SLC25A48: variants seen among roughly 807,000 people sequenced by gnomAD.
SLC25A48 encodes CTC-321K16.1.
In SLC25A48, 29 loss-of-function variants were observed where a neutral mutation model predicts 32.2. The observed-to-expected ratio is 0.90, with a 90% confidence interval of 0.67 to 1.23. The LOEUF is 1.23. SLC25A48 is among the 50% of genes most tolerant of loss of function. The probability of loss-of-function intolerance (pLI) is 0.00; values close to 1 mark genes in which losing one functional copy is unlikely to be tolerated. For synonymous variants in SLC25A48, 164 were observed against 172.3 expected (o/e 0.95, Z 0.38); for missense variants, 399 against 422.7 (o/e 0.94, Z 0.49).
chr5:135,783,261 G>T (rs1756762209), intron 3 of SLC25A48, among the ~76,000 whole-genome samples: 1 of 118,328 alleles, frequency 8.5e-6, no homozygotes, highest in African/African-American at 2.6e-5. Context: ...TATCCACTGT[G>T]GTATCGTCCC....
intron 3 of SLC25A48, among the ~76,000 whole-genome samples, chr5:135,653,172 C>A (rs550069935): frequency 6.6e-6 from 1 of 152,156 alleles, no homozygotes; most frequent in Non-Finnish European, 1.5e-5. Flanking sequence ...AATTTCTGTT[C>A]TTTATAAATT....
In SLC25A48 at chr5:135,820,147, A is replaced by G. The variant is rs145729323; in HGVS notation, c.-117+7221A>G. Among the ~76,000 whole-genome samples, 1,199 of 152,344 alleles carry G rather than the reference A, an allele frequency of 7.9e-3. 6 individuals are homozygous for G. The highest frequency in any genetic ancestry group is 0.033 in the South Asian group (158 of 4,832). ...AACCATTTCTAGCAGCACTATTCAC[A>G]ATGGAAACAACTAGACTGTATACAC... On this transcript the variant is annotated intron_variant, in intron 4 of 10. Coordinates refer to the SLC25A48 transcript ENST00000646290.
intron 1 of SLC25A48, among the ~76,000 whole-genome samples, chr5:135,597,734 T>C (rs1751687799): frequency 6.6e-6 from 1 of 152,196 alleles, no homozygotes; most frequent in Non-Finnish European, 1.5e-5. Flanking sequence ...CTGGGTGCAG[T>C]GGCTCACGCC....
intron 1 of SLC25A48, among the ~76,000 whole-genome samples, chr5:135,587,694 G>C (rs143190283): frequency 0.016 from 2,412 of 152,268 alleles, 26 homozygotes; most frequent in Admixed American, 0.027. Flanking sequence ...GAGACATGTT[G>C]CAATTTTCTT....
chr5:135,778,982 C>G (rs1756648810), intron 3 of SLC25A48, among the ~76,000 whole-genome samples: 1 of 151,496 alleles, frequency 6.6e-6, no homozygotes, highest in Admixed American at 6.6e-5. Context: ...CCAAATATCA[C>G]ATAATATACA....
intron 7 of SLC25A48, among the ~76,000 whole-genome samples, chr5:135,886,081 T>G (rs1762701448): frequency 1.3e-5 from 2 of 152,222 alleles, no homozygotes; most frequent in South Asian, 4.1e-4. Context: ...GTGATTTCTT[T>G]GTACATCACT....
chr5:135,669,115 A>G (rs1021605614), intron 3 of SLC25A48, among the ~76,000 whole-genome samples: 4 of 152,206 alleles, frequency 2.6e-5, no homozygotes, highest in Non-Finnish European at 5.9e-5. Context: ...ATGTCAATGC[A>G]CTTGTCATGT....
At chr5:135,597,442 C>T (rs1488443268) in intron 1 of SLC25A48, among the ~76,000 whole-genome samples, 3 of 152,220 alleles carry the variant, frequency 2.0e-5, no homozygotes, top group African/African-American at 4.8e-5. Flanking sequence ...CTCATTCTTA[C>T]AGTTGGGATC....
intron 3 of SLC25A48, among the ~76,000 whole-genome samples, chr5:135,780,639 G>C (rs1298904205): frequency 8.6e-6 from 1 of 116,616 alleles, no homozygotes; most frequent in African/African-American, 2.6e-5. Context: ...ATTTTGGGGG[G>C]GGAGGAGATG....
Position 135,852,598 on chromosome 5 carries a change from C to T in SLC25A48, c.198C>T (p.Leu66=), listed in dbSNP as rs781729753. ...TCTTCAAGGGCATGTCCTTCCCCCT[C>T]GCCAGCATTGCCGTCTACAACTCCG... ...FGFFKGMSFP[L]ASIAVYNSVV... is the part of the protein sequence containing the mutation. Residue 66 remains leucine (L), a synonymous_variant, in exon 4 of 8, where the codon CTC becomes CTT. Coordinates refer to ENST00000681962, the MANE Select transcript of SLC25A48 (RefSeq NM_001349336.2). The T allele has an allele frequency of 6.2e-7, 1 of 1,603,516 alleles. No individual in the cohort carries two copies. Among genetic ancestry groups the T allele is most frequent in the Non-Finnish European group, 8.5e-7 (1 of 1,170,992 alleles).
intron 1 of SLC25A48, chr5:135,835,246 C>G (rs923129302): frequency 1.4e-5 from 7 of 512,666 alleles, no homozygotes; most frequent in Admixed American, 2.3e-5. Context: ...GAATTGCGGA[C>G]GTGGCTCGCG....
intron 3 of SLC25A48, among the ~76,000 whole-genome samples, chr5:135,688,759 G>T (rs536125700): frequency 6.6e-6 from 1 of 152,324 alleles, no homozygotes; most frequent in South Asian, 2.1e-4. Flanking sequence ...CACTGGTGCA[G>T]AGGAGAGTGG....
At chr5:135,696,349 G>A (rs1292372993) in intron 3 of SLC25A48, among the ~76,000 whole-genome samples, 1 of 152,206 alleles carries the variant, frequency 6.6e-6, no homozygotes, top group East Asian at 1.9e-4. Context: ...GTACTGTCAG[G>A]ATGTTAGGTG....
intron 3 of SLC25A48, among the ~76,000 whole-genome samples, chr5:135,688,129 T>A (rs1754060715): frequency 7.5e-6 from 1 of 133,730 alleles, no homozygotes; most frequent in South Asian, 2.5e-4. Context: ...TCATACCGTA[T>A]TTGTCTTTTT....
chr5:135,794,803 AC>A (rs1757126092), intron 3 of SLC25A48, among the ~76,000 whole-genome samples: 1 of 151,394 alleles, frequency 6.6e-6, no homozygotes, highest in Non-Finnish European at 1.5e-5. Flanking sequence ...GGGGGTAGAC[AC>A]TCCCCACATA....
chr5:135,883,262 C>G, intron 7 of SLC25A48: 1 of 985,484 alleles, frequency 1.0e-6, no homozygotes, highest in Non-Finnish European at 1.2e-6. Context: ...AGGGATTCAA[C>G]TGACCATTGG....
chr5:135,804,134 T>C (rs1418287895), intron 3 of SLC25A48, among the ~76,000 whole-genome samples: 1 of 151,552 alleles, frequency 6.6e-6, no homozygotes, highest in East Asian at 1.9e-4. Flanking sequence ...TATGATATTA[T>C]GAATGATGTC....
intron 6 of SLC25A48, among the ~76,000 whole-genome samples, chr5:135,877,525 A>G (rs1469831590): frequency 6.6e-6 from 1 of 152,164 alleles, no homozygotes; most frequent in Non-Finnish European, 1.5e-5. Flanking sequence ...TGTCACGTCC[A>G]AAATTCATTT....
intron 3 of SLC25A48, among the ~76,000 whole-genome samples, chr5:135,655,276 C>A (rs76198210): frequency 0.023 from 3,522 of 152,290 alleles, 141 homozygotes; most frequent in African/African-American, 0.08. Context: ...CAGGCGCTTT[C>A]TAAGTGCTTC....
Sources: allele counts gnomAD v4.1 joint callset (sites outside exome capture counted in the v4.1 genomes callset), GRCh38; gene constraint gnomAD v4.1.1; transcripts MANE v1.5; gene names NCBI Gene and HGNC (gene_info 2026-07-23, HGNC 2026-07-21).